Variants in ZBTB20 observed in about 807,000 individuals in gnomAD.
The protein encoded by ZBTB20 is zinc finger and BTB domain-containing protein 20.
In ZBTB20, 9 loss-of-function variants were observed where a neutral mutation model predicts 56.9. The ratio of observed to expected loss-of-function variants is 0.16; its 90% CI spans 0.10 to 0.28. The LOEUF is 0.28. Ranked by LOEUF, ZBTB20 falls within the 10% of genes least tolerant of loss-of-function variation. ZBTB20 has a pLI of 1.00. For missense variants in ZBTB20, 655 were observed against 1,003.0 expected, an observed-to-expected ratio of 0.65 and a Z score of 4.69; for synonymous variants, 417 against 420.7, an observed-to-expected ratio of 0.99 and a Z score of 0.11.
At chr3:114,723,963 G>A (rs1278320167) in intron 5 of ZBTB20, among the ~76,000 whole-genome samples, 1 of 151,870 alleles carries the variant, frequency 6.6e-6, no homozygotes, top group Non-Finnish European at 1.5e-5. Context: ...CCGCCTCCCG[G>A]GTTCACGCCA....
intron 7 of ZBTB20, among the ~76,000 whole-genome samples, chr3:114,469,010 CAAAAAAAA>C (rs1164804884): frequency 4.5e-5 from 3 of 67,064 alleles, no homozygotes; most frequent in Non-Finnish European, 6.1e-5. Flanking sequence ...TCAAGAGAAG[CAAAAAAAA>C]AAAAAAAAAA....
chr3:114,911,167 G>T (rs1303711040), intron 3 of ZBTB20, among the ~76,000 whole-genome samples: 1 of 151,888 alleles, frequency 6.6e-6, no homozygotes, highest in Non-Finnish European at 1.5e-5. Context: ...TCAAGTAGGG[G>T]GTTGTGAACA....
intron 2 of ZBTB20, among the ~76,000 whole-genome samples, chr3:114,977,756 T>C (rs762190919): frequency 6.6e-6 from 1 of 152,074 alleles, no homozygotes; most frequent in Non-Finnish European, 1.5e-5. Flanking sequence ...ACATACACAG[T>C]GGTATATAAT....
At chr3:114,791,429 G>T (rs1354298914) in intron 5 of ZBTB20, among the ~76,000 whole-genome samples, 1 of 152,104 alleles carries the variant, frequency 6.6e-6, no homozygotes, top group Non-Finnish European at 1.5e-5. Context: ...GATGAGTGTA[G>T]GTTAACTACT....
intron 11 of ZBTB20, among the ~76,000 whole-genome samples, chr3:114,349,724 T>C (rs1230836576): frequency 6.6e-6 from 1 of 152,210 alleles, no homozygotes; most frequent in East Asian, 1.9e-4. Flanking sequence ...CTACCACTTA[T>C]AGAGCACTTA....
chr3:115,064,072 C>T (rs1016720411), intron 2 of ZBTB20, among the ~76,000 whole-genome samples: 4 of 152,166 alleles, frequency 2.6e-5, no homozygotes, highest in East Asian at 1.9e-4. Flanking sequence ...ATATTTCACA[C>T]TCTTACACAT....
At chr3:115,119,788 T>C (rs1280321838) in intron 1 of ZBTB20, among the ~76,000 whole-genome samples, 3 of 152,154 alleles carry the variant, frequency 2.0e-5, no homozygotes, top group Admixed American at 6.6e-5. Context: ...CCAACCCCAC[T>C]GTTCTAAAAC....
At chr3:114,799,020 G>T (rs940944790) in intron 5 of ZBTB20, among the ~76,000 whole-genome samples, 1 of 151,824 alleles carries the variant, frequency 6.6e-6, no homozygotes, top group African/African-American at 2.4e-5. Flanking sequence ...GTGTCAAATG[G>T]TTCTGAGTTC....
intron 5 of ZBTB20, among the ~76,000 whole-genome samples, chr3:114,747,458 G>A (rs1196281160): frequency 1.3e-5 from 2 of 152,056 alleles, no homozygotes; most frequent in African/African-American, 4.8e-5. Context: ...TCCCAGTTCG[G>A]GAGGCTGAGG....
chr3:114,747,251 A>G lies in ZBTB20; in HGVS notation c.-342-53676T>C, dbSNP rs1215613741. Among the ~76,000 whole-genome samples, 4 of 152,302 alleles carry G rather than the reference A, an allele frequency of 2.6e-5. No homozygotes were observed. The East Asian group carries it at 7.7e-4, about 29-fold the overall frequency. On this transcript the variant is annotated intron_variant, in intron 5 of 11. Coordinates refer to ENST00000675478, the MANE Select transcript of ZBTB20 (RefSeq NM_001348800.3). ...TTGAAGATCCTTGGGATTAACAGAA[A>G]GGGTGGAAATAGCCAAATGTATTCA...
intron 4 of ZBTB20, among the ~76,000 whole-genome samples, chr3:114,838,266 G>T (rs1036793750): frequency 8.5e-5 from 13 of 152,132 alleles, no homozygotes; most frequent in Admixed American, 1.3e-4. Context: ...TATAATGATG[G>T]TATTTGATAC....
intron 4 of ZBTB20, among the ~76,000 whole-genome samples, chr3:114,864,158 G>A (rs2075660413): frequency 6.6e-6 from 1 of 152,052 alleles, no homozygotes; most frequent in African/African-American, 2.4e-5. Flanking sequence ...AAAATCACTA[G>A]TACATTCAGA....
At chr3:115,080,944 T>C (rs961249534) in intron 1 of ZBTB20, among the ~76,000 whole-genome samples, 2 of 152,098 alleles carry the variant, frequency 1.3e-5, no homozygotes, top group Admixed American at 6.6e-5. Context: ...AATGTGATAA[T>C]ATCACATGCA....
intron 3 of ZBTB20, among the ~76,000 whole-genome samples, chr3:114,954,627 C>T (rs1010393149): frequency 6.6e-6 from 1 of 152,194 alleles, no homozygotes; most frequent in African/African-American, 2.4e-5. Context: ...AAGGATTCGA[C>T]TAAGCAGTGT....
At chr3:114,388,977 C>T (rs908103281) in intron 8 of ZBTB20, 28 bp downstream of exon 8, 3 of 152,100 alleles carry the variant, frequency 2.0e-5, no homozygotes, top group African/African-American at 7.2e-5. Context: ...AACTAAGAAG[C>T]CTTTTATTGG....
intron 5 of ZBTB20, among the ~76,000 whole-genome samples, chr3:114,782,541 AT>A (rs1263047553): frequency 6.6e-6 from 1 of 152,148 alleles, no homozygotes; most frequent in Non-Finnish European, 1.5e-5. Context: ...CTTAACCATA[AT>A]AACTTTCTTT....
chr3:114,409,843 T>C lies in ZBTB20; in HGVS notation c.-254-20738A>G, dbSNP rs1194681121. Among the ~76,000 whole-genome samples, 3 of 152,274 alleles carry C rather than the reference T, an allele frequency of 2.0e-5. No individual in the cohort carries two copies. In the East Asian group the frequency reaches 5.8e-4, roughly 29 times the overall value. ...AATTATCTACTGAAAGAGGACCTAG[T>C]TGTTTAGAGACTTTGTTTAGTGAAA... On this transcript the variant is annotated intron_variant, in intron 7 of 11. Coordinates refer to ENST00000675478, the MANE Select transcript of ZBTB20 (RefSeq NM_001348800.3).
chr3:114,472,833 T>C (rs1244215749), intron 7 of ZBTB20, among the ~76,000 whole-genome samples: 1 of 152,100 alleles, frequency 6.6e-6, no homozygotes, highest in Admixed American at 6.5e-5. Flanking sequence ...AATGCTGTAA[T>C]AACAAGAGCT....
intron 2 of ZBTB20, among the ~76,000 whole-genome samples, chr3:115,032,334 C>A (rs78047705): frequency 0.027 from 4,065 of 151,126 alleles, 187 homozygotes; most frequent in East Asian, 0.17. Flanking sequence ...GTTTTTAAAC[C>A]TGAGTAATGA....
Sources: gnomAD v4.1 joint callset for allele counts (sites outside exome capture counted in the v4.1 genomes callset) on GRCh38, gnomAD v4.1.1 for gene constraint, MANE v1.5 for transcripts, NCBI Gene and HGNC (gene_info 2026-07-23, HGNC 2026-07-21) for gene names.